Variants in PTPRM observed in about 807,000 individuals in gnomAD.
PTPRM encodes the protein receptor-type tyrosine-protein phosphatase mu.
PTPRM carries 47 observed loss-of-function variants against 186.7 expected under a neutral mutation model. The ratio of observed to expected loss-of-function variants is 0.25; its 90% CI spans 0.20 to 0.32. The LOEUF (loss-of-function observed/expected upper bound fraction) is 0.32. Ranked by LOEUF, PTPRM falls within the 10% of genes least tolerant of loss-of-function variation. The pLI, the probability that PTPRM is intolerant of heterozygous loss-of-function variation, is 1.00. For missense variants in PTPRM, 1,494 were observed against 1,865.0 expected (o/e 0.80, Z 3.66); for synonymous variants, 668 against 674.9 (o/e 0.99, Z 0.16).
At chr18:8,184,329 A>G (rs184144374) in intron 14 of PTPRM, among the ~76,000 whole-genome samples, 1,390 of 52,604 alleles carry the variant, frequency 0.026, 15 homozygotes, top group African/African-American at 0.059. Flanking sequence ...TGCTGCAACT[A>G]TGTAAAAGGA....
At chr18:7,953,875 A>G (rs928747488) in intron 6 of PTPRM, among the ~76,000 whole-genome samples, 2 of 152,242 alleles carry the variant, frequency 1.3e-5, no homozygotes, top group Admixed American at 1.3e-4. Flanking sequence ...CCAGCATTCC[A>G]GTAATAGGAT....
In PTPRM at chr18:7,613,258, C is replaced by T. The variant is rs1334508262; in HGVS notation, c.73+45367C>T. Reference sequence around the variant, plus strand: ...GAAGACTGTTCATTTAAAAACTCCCCCAGTCATTCTCTTCTCTCAGCTACT... The same window carrying T: ...GAAGACTGTTCATTTAAAAACTCCCTCAGTCATTCTCTTCTCTCAGCTACT... On this transcript the variant is annotated intron_variant, in intron 1 of 32. Coordinates refer to ENST00000580170, the MANE Select transcript of PTPRM (RefSeq NM_001105244.2). Among the ~76,000 whole-genome samples, 6 of 152,130 alleles carry T rather than the reference C, an allele frequency of 3.9e-5. No homozygotes were observed. In the East Asian group the frequency reaches 1.2e-3, roughly 29 times the overall value.
chr18:7,586,326 G>T (rs559526195), intron 1 of PTPRM, among the ~76,000 whole-genome samples: 12 of 152,144 alleles, frequency 7.9e-5, no homozygotes, highest in African/African-American at 2.9e-4. Flanking sequence ...TTCAGGTATT[G>T]TAAGTGCACT....
intron 11 of PTPRM, among the ~76,000 whole-genome samples, chr18:8,095,560 A>G (rs2090975037): frequency 6.6e-6 from 1 of 152,028 alleles, no homozygotes; most frequent in South Asian, 2.1e-4. Context: ...CAGGTCAGGG[A>G]AAAAATGTAA....
chr18:7,767,138 TCA>T (rs1568099723), intron 1 of PTPRM, among the ~76,000 whole-genome samples: 1 of 152,218 alleles, frequency 6.6e-6, no homozygotes, highest in Non-Finnish European at 1.5e-5. Context: ...GGCAGTGCTC[TCA>T]CACAGTAGTG....
chr18:8,151,294 T>C (rs2093000468), intron 14 of PTPRM, among the ~76,000 whole-genome samples: 1 of 152,226 alleles, frequency 6.6e-6, no homozygotes, highest in Non-Finnish European at 1.5e-5. Context: ...AGTCTCTGAC[T>C]GGGGCTGCTG....
intron 11 of PTPRM, among the ~76,000 whole-genome samples, chr18:8,107,984 A>C (rs2091597211): frequency 6.6e-6 from 1 of 152,188 alleles, no homozygotes; most frequent in African/African-American, 2.4e-5. Flanking sequence ...CAGGTTGTTT[A>C]GAGTATTAGG....
intron 7 of PTPRM, among the ~76,000 whole-genome samples, chr18:8,024,870 G>C (rs1198945244): frequency 6.6e-6 from 1 of 151,780 alleles, no homozygotes; most frequent in Non-Finnish European, 1.5e-5. Context: ...TTTTAGGAGA[G>C]ACAGTGTTTC....
intron 7 of PTPRM, among the ~76,000 whole-genome samples, chr18:7,965,023 C>G (rs982197967): frequency 6.7e-6 from 1 of 149,786 alleles, no homozygotes; most frequent in Non-Finnish European, 1.5e-5. Context: ...GTTCTGCCCC[C>G]ACTCTAACAC....
At chr18:7,979,752 C>T (rs1350086145) in intron 7 of PTPRM, among the ~76,000 whole-genome samples, 1 of 152,176 alleles carries the variant, frequency 6.6e-6, no homozygotes, top group Non-Finnish European at 1.5e-5. Flanking sequence ...ACCTTGCAGT[C>T]CGCTGGCAGA....
chr18:8,157,070 C>T (rs966522948), intron 14 of PTPRM, among the ~76,000 whole-genome samples: 4 of 152,190 alleles, frequency 2.6e-5, no homozygotes, highest in East Asian at 3.9e-4. Context: ...TGGGGTCTTC[C>T]GTGGTGAAAG....
At chr18:8,011,782 G>C (rs1211155218) in intron 7 of PTPRM, among the ~76,000 whole-genome samples, 1 of 152,150 alleles carries the variant, frequency 6.6e-6, no homozygotes, top group African/African-American at 2.4e-5. Context: ...GAAGCTCAAG[G>C]TATCATGTTT....
At chr18:8,207,077 T>C (rs2093941432) in intron 14 of PTPRM, among the ~76,000 whole-genome samples, 1 of 152,186 alleles carries the variant, frequency 6.6e-6, no homozygotes, top group Admixed American at 6.5e-5. Flanking sequence ...AACTGTGAGA[T>C]AATAAATTTC....
At chr18:7,908,203 A>G (rs1256266402) in intron 4 of PTPRM, among the ~76,000 whole-genome samples, 2 of 152,172 alleles carry the variant, frequency 1.3e-5, no homozygotes, top group Admixed American at 1.3e-4. Flanking sequence ...AGTGCATGGT[A>G]GCTTTATTTT....
chr18:7,975,944 G>A (rs539881408), intron 7 of PTPRM, among the ~76,000 whole-genome samples: 2 of 152,322 alleles, frequency 1.3e-5, no homozygotes, highest in African/African-American at 4.8e-5. Flanking sequence ...CCCGAGGCAG[G>A]TGGATCACGA....
At chr18:8,161,435 A>C (rs894000960) in intron 14 of PTPRM, among the ~76,000 whole-genome samples, 2 of 152,062 alleles carry the variant, frequency 1.3e-5, no homozygotes, top group Admixed American at 1.3e-4. Flanking sequence ...CCTGGTGCAG[A>C]GAGTGTGGTG....
intron 7 of PTPRM, among the ~76,000 whole-genome samples, chr18:8,011,780 A>G (rs558413232): frequency 6.6e-6 from 1 of 152,364 alleles, no homozygotes; most frequent in East Asian, 1.9e-4. Flanking sequence ...ATGAAGCTCA[A>G]GGTATCATGT....
intron 7 of PTPRM, among the ~76,000 whole-genome samples, chr18:7,985,312 CACATAAATATATACATATAATT>C (rs1568132670): frequency 8.4e-5 from 9 of 106,890 alleles, no homozygotes; most frequent in African/African-American, 3.2e-4. Flanking sequence ...ATAGTATATA[CACATAAATATATACATATAATT>C]GTATATACAC....
intron 7 of PTPRM, among the ~76,000 whole-genome samples, chr18:7,965,451 T>C (rs1308575760): frequency 1.3e-5 from 2 of 152,006 alleles, no homozygotes; most frequent in Non-Finnish European, 2.9e-5. Context: ...CTTTTGCTCA[T>C]TTGCACACAT....
Sources: gnomAD v4.1 joint callset for allele counts (sites outside exome capture counted in the v4.1 genomes callset) on GRCh38, gnomAD v4.1.1 for gene constraint, MANE v1.5 for transcripts, NCBI Gene and HGNC (gene_info 2026-07-23, HGNC 2026-07-21) for gene names.